Variants in TPR observed in about 807,000 individuals in gnomAD.
The protein encoded by TPR is translocated promoter region, nuclear basket protein, also known as nucleoprotein TPR.
A neutral mutation model predicts 316.1 loss-of-function variants in TPR; 51 were observed. That is an observed-to-expected ratio of 0.16 (90% CI 0.13 to 0.20). The LOEUF (loss-of-function observed/expected upper bound fraction) is 0.20. TPR is among the 10% of genes least tolerant of loss of function. The pLI is 1.00. For missense variants in TPR, 2,272 were observed against 2,754.8 expected (o/e 0.82, Z 3.92); for synonymous variants, 981 against 914.7 (o/e 1.07, Z -1.31).
In TPR at chr1:186,375,142, G is replaced by C. The variant is rs1659675927; in HGVS notation, c.-114C>G. ...GCCGCCGCCTCTATCACCTCGCTCG[G>C]TGGCTCGCGCGCGCCCGCCCGCCGG... is the stretch of plus-strand genomic sequence containing the variant. On this transcript the variant is annotated 5_prime_UTR_variant, in exon 1 of 51. Coordinates refer to ENST00000367478, the MANE Select transcript of TPR (RefSeq NM_003292.3). The C allele has an allele frequency of 2.6e-6, 4 of 1,551,152 alleles. No homozygotes were observed. The South Asian group carries it at 4.7e-5, about 18-fold the overall frequency.
At chr1:186,345,813 ACTG>A (rs1395653021) in intron 23 of TPR, 117 bp from the exon 24 acceptor site, 5 of 740,678 alleles carry the variant, frequency 6.8e-6, no homozygotes, top group Non-Finnish European at 1.1e-5. Flanking sequence ...AGCCCAAAAA[ACTG>A]CTGCTAAATT....
Position 186,351,389 on chromosome 1 carries a change from G to C in TPR, c.2551C>G (p.Leu851Val). The change falls in exon 20 of 51, where the codon CTA becomes GTA. Residue 851 changes from leucine (L) to valine (V), a missense_variant. Leu to Val is a conservative substitution (Grantham distance 32). This residue lies in a region of TPR where 757 missense variants were observed against 859.8 expected (regional missense o/e 0.88). Coordinates refer to ENST00000367478, the MANE Select transcript of TPR (RefSeq NM_003292.3). ...ACCTCATTTTCCAACTTCTTCTTTA[G>C]ATGAGAGATCTCATGTTCCAGTTTT... The part of the protein sequence containing the change: ...IEKLEHEISH[L>V]KKKLENEVEQ... 2 of 1,612,518 alleles carry C rather than the reference G, an allele frequency of 1.2e-6. No homozygotes were observed. The highest frequency in any genetic ancestry group is 1.7e-5 in the Admixed American group (1 of 59,806).
intron 1 of TPR, among the ~76,000 whole-genome samples, chr1:186,373,835 T>C (rs1659604799): frequency 6.6e-6 from 1 of 152,210 alleles, no homozygotes; most frequent in East Asian, 1.9e-4. Flanking sequence ...AACTCCTTTG[T>C]TTTAAAAGAC....
At chr1:186,344,291 GCT>G in intron 25 of TPR, 82 bp downstream of exon 25, 1 of 1,493,080 alleles carries the variant, frequency 6.7e-7, no homozygotes, top group East Asian at 2.3e-5. Flanking sequence ...ACAGAGCGAG[GCT>G]CCATCTCAAA....
In TPR at chr1:186,360,818, A is replaced by G; in HGVS notation, c.1046T>C (p.Leu349Ser). The G allele has an allele frequency of 6.2e-7, 1 of 1,612,956 alleles. No individual in the cohort carries two copies. The change falls in exon 10 of 51, where the codon TTG (leucine) becomes TCG (serine). Residue 349 changes from leucine (L) to serine (S), a missense_variant. Leu to Ser is a moderately radical substitution (Grantham distance 145). This residue lies in a region of TPR where 549 missense variants were observed against 598.6 expected (regional missense o/e 0.92). Transcript: ENST00000367478. ...ATTTGCATTCTCTAATTCCTTCTCCAATCTCCCTATTTTCTCAAGCATTTC... is the reference window on the plus strand; with the variant it reads ...ATTTGCATTCTCTAATTCCTTCTCCGATCTCCCTATTTTCTCAAGCATTTC... ...EKEMLEKIGR[L>S]EKELENANDL...
chr1:186,331,849 AACC>A (rs1278268399), intron 38 of TPR, among the ~76,000 whole-genome samples: 1 of 152,106 alleles, frequency 6.6e-6, no homozygotes, highest in Non-Finnish European at 1.5e-5. Context: ...ATTTAATCTT[AACC>A]ACAAAAAGGA....
At chr1:186,360,032 A>G (rs1249306360) in intron 11 of TPR, 36 bp from the exon 12 acceptor site, 8 of 1,575,204 alleles carry the variant, frequency 5.1e-6, no homozygotes, top group Non-Finnish European at 6.9e-6. Context: ...AAATCTAACC[A>G]TAACAACGCA....
chr1:186,329,003 G>A (rs1459642726), intron 39 of TPR, among the ~76,000 whole-genome samples: 1 of 152,044 alleles, frequency 6.6e-6, no homozygotes, highest in Non-Finnish European at 1.5e-5. Flanking sequence ...AGTAAGTCAT[G>A]GTATAATTTA....
Position 186,348,519 on chromosome 1 carries a change from A to C in TPR, c.2777-1061T>G, listed in dbSNP as rs1276548133. ...CTGTGATCTTTGTTAGATCCTTATC[A>C]GTGGTTCTGCTTTTGCTCTTTGAAG... is the stretch of plus-strand genomic sequence containing the variant. On this transcript the variant is annotated intron_variant, in intron 21 of 50. Coordinates refer to ENST00000367478, the MANE Select transcript of TPR (RefSeq NM_003292.3). Among the ~76,000 whole-genome samples, 3 of 152,052 alleles carry C rather than the reference A, an allele frequency of 2.0e-5. No individual in the cohort carries two copies. The East Asian group carries it at 5.8e-4, about 29-fold the overall frequency.
rs1239852320 is a variant in TPR at position 186,347,474 on chromosome 1, G to GCT, written c.2777-18_2777-17dup. The stretch of plus-strand genomic sequence containing the variant: ...CTAGGCTGACCTAAAAGACATAACA[G>GCT]CTCTGTTAAAATTAACATTTTCAAT... On this transcript the variant is annotated splice_polypyrimidine_tract_variant and intron_variant, in intron 21 of 50. Coordinates refer to ENST00000367478, the MANE Select transcript of TPR (RefSeq NM_003292.3). 2 of 1,609,244 alleles carry GCT rather than the reference G, an allele frequency of 1.2e-6. No homozygotes were observed. Among genetic ancestry groups the GCT allele is most frequent in the African/African-American group, 1.3e-5 (1 of 74,636 alleles).
intron 4 of TPR, among the ~76,000 whole-genome samples, chr1:186,366,260 T>G (rs1224015468): frequency 1.3e-5 from 2 of 152,220 alleles, no homozygotes; most frequent in Non-Finnish European, 2.9e-5. Flanking sequence ...TTCTTCAGCC[T>G]AGGTAATGTA....
chr1:186,344,109 T>C lies in TPR; in HGVS notation c.3418-19A>G. The C allele has an allele frequency of 6.3e-7, 1 of 1,597,132 alleles. No homozygotes were observed. The highest frequency in any genetic ancestry group is 8.5e-7 in the Non-Finnish European group (1 of 1,172,838). Reference sequence around the variant, plus strand: ...CTTCATCCTGCAAGCCAAGAGTCTATCAGAATAACAGATTTTCCAATGCAT... The same window carrying C: ...CTTCATCCTGCAAGCCAAGAGTCTACCAGAATAACAGATTTTCCAATGCAT... On this transcript the variant is annotated intron_variant, in intron 25 of 50. Coordinates refer to ENST00000367478, the MANE Select transcript of TPR (RefSeq NM_003292.3).
chr1:186,325,104 C>T (rs1432677753), intron 42 of TPR, among the ~76,000 whole-genome samples: 1 of 152,080 alleles, frequency 6.6e-6, no homozygotes, highest in Admixed American at 6.6e-5. Flanking sequence ...CAGGCCTCTA[C>T]AGAAACCCAG....
At chr1:186,325,707 T>C (rs1217065561) in intron 42 of TPR, 57 bp downstream of exon 42, 5 of 1,395,074 alleles carry the variant, frequency 3.6e-6, no homozygotes, top group African/African-American at 2.9e-5. Context: ...TAAGTGCAAT[T>C]CTAGTTTAGA....
At chr1:186,319,775 A>G (rs577609675) in intron 46 of TPR, among the ~76,000 whole-genome samples, 1 of 152,358 alleles carries the variant, frequency 6.6e-6, no homozygotes, top group African/African-American at 2.4e-5. Context: ...AAGGTAATCA[A>G]TTCCACAAAC....
Position 186,361,780 on chromosome 1 carries a change from GA to G in TPR, c.870+8del, listed in dbSNP as rs1334841147. ...ATTTAGATACTAACATGTGTGGTGG[GA>G]TATTTACCTTGTACAAATTAGAAAG... On this transcript the variant is annotated splice_region_variant and intron_variant, in intron 8 of 50. Coordinates refer to ENST00000367478, the MANE Select transcript of TPR (RefSeq NM_003292.3). The G allele has an allele frequency of 6.2e-7, 1 of 1,613,008 alleles. No homozygotes were observed. Among genetic ancestry groups the G allele is most frequent in the South Asian group, 1.1e-5 (1 of 91,042 alleles).
At chr1:186,355,356 A>T (rs557722067) in intron 17 of TPR, 54 bp downstream of exon 17, 1 of 1,544,928 alleles carries the variant, frequency 6.5e-7, no homozygotes, top group South Asian at 1.2e-5. Flanking sequence ...AAATGATTTG[A>T]ATTGTAAAGT....
At chr1:186,365,389 C>T (rs561804042) in intron 4 of TPR, among the ~76,000 whole-genome samples, 18 of 126,166 alleles carry the variant, frequency 1.4e-4, no homozygotes, top group Admixed American at 1.1e-3. Flanking sequence ...AGCCACCGTA[C>T]CTGGCCAAGG....
intron 20 of TPR, 115 bp from the exon 21 acceptor site, chr1:186,350,503 AC>A: frequency 1.3e-6 from 1 of 754,516 alleles, no homozygotes; most frequent in East Asian, 3.1e-5. Flanking sequence ...AAACAGATTT[AC>A]CGTCACACCT....
Sources: gnomAD v4.1 joint callset for allele counts (sites outside exome capture counted in the v4.1 genomes callset) on GRCh38, gnomAD v4.1.1 for gene constraint, gnomAD v4.1.1 regional missense constraint, MANE v1.5 for transcripts, NCBI Gene and HGNC (gene_info 2026-07-23, HGNC 2026-07-21) for gene names.